TAX1BP3: variants seen among roughly 807,000 people sequenced by gnomAD.
TAX1BP3 encodes Tax1 binding protein 3.
TAX1BP3 carries 13 observed loss-of-function variants against 15.3 expected under a neutral mutation model. The ratio of observed to expected loss-of-function variants is 0.85; its 90% CI spans 0.55 to 1.35. TAX1BP3 has a LOEUF of 1.35. TAX1BP3 is among the 40% of genes most tolerant of loss of function. The pLI, the probability that TAX1BP3 is intolerant of heterozygous loss-of-function variation, is 0.00. For synonymous variants in TAX1BP3, 70 were observed against 66.0 expected (o/e 1.06, Z -0.30); for missense variants, 147 against 169.6 (o/e 0.87, Z 0.74).
chr17:3,668,344 G>A lies in TAX1BP3; in HGVS notation c.39+144C>T. ...GGCTGGGGGAACTGCGGCCCGCTCC[G>A]GCAAAGCGGGGACCCGAGCCCTTGC... is the stretch of plus-strand genomic sequence containing the variant. On this transcript the variant is annotated intron_variant, in intron 1 of 3. Transcript: ENST00000225525. The surrounding 1 kb of genome is among the most constrained non-coding windows in gnomAD (Gnocchi z 4.1). The A allele has an allele frequency of 3.6e-6, 4 of 1,108,930 alleles. No homozygotes were observed. The highest frequency in any genetic ancestry group is 5.0e-6 in the Non-Finnish European group (4 of 802,084). The allele number at this position is 1,108,930 out of a possible 1,614,324, so 68.7% of individuals were successfully genotyped here.
rs1347759491 is a variant in TAX1BP3, at chr17:3,663,588, A to G, written c.*160T>C. The G allele has an allele frequency of 1.6e-5, 17 of 1,079,746 alleles. No individual in the cohort carries two copies. Among genetic ancestry groups the G allele is most frequent in the Non-Finnish European group, 2.0e-5 (16 of 797,678 alleles). The allele number at this position is 1,079,746 out of a possible 1,614,324, so 66.9% of individuals were successfully genotyped here. A position where few individuals can be genotyped will look rare whatever the true frequency, so the allele number is the denominator to read the frequency against. ...CGGTCCCAGAGGCCCCAGGCCAGGG[A>G]TGGGAGAAGGGAAGGAAGGCCAGGC... is the stretch of plus-strand genomic sequence containing the variant. On this transcript the variant is annotated 3_prime_UTR_variant, in exon 4 of 4. Transcript: ENST00000225525.
intron 1 of TAX1BP3, among the ~76,000 whole-genome samples, chr17:3,666,062 C>A (rs953956503): frequency 3.9e-5 from 6 of 152,224 alleles, no homozygotes; most frequent in African/African-American, 1.4e-4. Context: ...TTTCAAAGCC[C>A]TTGGCAAGCG....
chr17:3,668,550 G>T lies in TAX1BP3; in HGVS notation c.-24C>A, dbSNP rs1300261719. ...ATCTCGACCCTGCTCTGGTCGCCCA[G>T]CGCCGCTCCGAGAAGCCGGCAGCAG... On this transcript the variant is annotated 5_prime_UTR_variant, in exon 1 of 4. In the 5' UTR this introduces an upstream ATG that the reference lacks. Coordinates refer to ENST00000225525, the MANE Select transcript of TAX1BP3 (RefSeq NM_014604.4). This position sits in a 1 kb window ranked among gnomAD's most constrained non-coding sequence, Gnocchi z 4.1. 7.5e-6 allele frequency: 12 copies of T among 1,592,916 alleles called. No individual in the cohort carries two copies. The highest frequency in any genetic ancestry group is 1.7e-5 in the Admixed American group (1 of 57,444).
At chr17:3,664,614 C>T (rs2076318978) in intron 2 of TAX1BP3, 65 bp downstream of exon 2, 4 of 1,596,044 alleles carry the variant, frequency 2.5e-6, no homozygotes, top group Non-Finnish European at 2.6e-6. Flanking sequence ...GCCCAGGAAG[C>T]AGAGACCCAC....
At chr17:3,667,541 T>G (rs2076355313) in intron 1 of TAX1BP3, among the ~76,000 whole-genome samples, 1 of 152,108 alleles carries the variant, frequency 6.6e-6, no homozygotes, top group African/African-American at 2.4e-5. Context: ...CCAACTGAGA[T>G]AACACACCCA....
At position 3,663,747 on chromosome 17, in the gene TAX1BP3, G is replaced by T. The variant is rs754539319; in HGVS notation, c.*1C>A. The T allele has an allele frequency of 1.9e-6, 3 of 1,601,742 alleles. No homozygotes were observed. Among genetic ancestry groups the T allele is most frequent in the South Asian group, 2.2e-5 (2 of 90,482 alleles). On this transcript the variant is annotated 3_prime_UTR_variant, in exon 4 of 4. Transcript: ENST00000225525. ...GCAGGAGTCGCAGATGGTGGTGGCT[G>T]CTAGGACAGCATGGACTGCTGCACG...
intron 2 of TAX1BP3, 122 bp from the exon 3 acceptor site, chr17:3,664,394 A>C: frequency 8.3e-7 from 1 of 1,203,298 alleles, no homozygotes; most frequent in Non-Finnish European, 1.2e-6. Flanking sequence ...CTCTCCCAGC[A>C]CATATGGTCA....
At position 3,664,741 on chromosome 17, in the gene TAX1BP3, T is replaced by C; in HGVS notation, c.97A>G (p.Ile33Val). Residue 33 changes from isoleucine to valine, a missense_variant, in exon 2 of 4, where the codon ATT (isoleucine) becomes GTT (valine). Coordinates refer to ENST00000225525, the MANE Select transcript of TAX1BP3 (RefSeq NM_014604.4). ...GGATCCTGGTCGATTCCACCTCCAATGCTGAAACCCAGGATTAAGTTCTCA... is the reference window on the plus strand; with the variant it reads ...GGATCCTGGTCGATTCCACCTCCAACGCTGAAACCCAGGATTAAGTTCTCA... ...QGENLILGFSIGGGIDQDPSQ... is the reference protein window; with the variant it reads ...QGENLILGFSVGGGIDQDPSQ... The C allele has an allele frequency of 1.9e-6, 3 of 1,613,886 alleles. No individual in the cohort carries two copies. The highest frequency in any genetic ancestry group is 2.5e-6 in the Non-Finnish European group (3 of 1,179,928).
intron 1 of TAX1BP3, chr17:3,665,783 T>G: frequency 2.1e-4 from 131 of 614,652 alleles, no homozygotes; most frequent in East Asian, 6.0e-4. Context: ...GAGGAAGGGC[T>G]TGCCGGCCAC....
At position 3,668,196 on chromosome 17, in the gene TAX1BP3, G is replaced by A. The variant is rs2076363133; in HGVS notation, c.39+292C>T. ...TCTGGGGACACGGAGGCCCGGGAAG[G>A]GGGCGCTTTTCCAGGCTCCTGCAGC... On this transcript the variant is annotated intron_variant, in intron 1 of 3. Transcript: ENST00000225525. The surrounding 1 kb of genome is among the most constrained non-coding windows in gnomAD (Gnocchi z 4.1). Among the ~76,000 whole-genome samples the A allele has an allele frequency of 6.6e-6, 1 of 152,208 alleles. No individual in the cohort carries two copies. The highest frequency in any genetic ancestry group is 1.5e-5 in the Non-Finnish European group (1 of 68,032).
At chr17:3,666,539 C>T (rs1282488045) in intron 1 of TAX1BP3, among the ~76,000 whole-genome samples, 1 of 152,078 alleles carries the variant, frequency 6.6e-6, no homozygotes, top group Non-Finnish European at 1.5e-5. Flanking sequence ...CCAGGAGCTG[C>T]GGGGCAGGTG....
At chr17:3,667,997 G>A (rs2076359728) in intron 1 of TAX1BP3, among the ~76,000 whole-genome samples, 1 of 152,274 alleles carries the variant, frequency 6.6e-6, no homozygotes, top group Non-Finnish European at 1.5e-5. Context: ...GTGGGTTGGA[G>A]GAGCAAGGCT....
chr17:3,665,563 A>G, intron 1 of TAX1BP3: 1 of 1,373,712 alleles, frequency 7.3e-7, no homozygotes, highest in South Asian at 1.2e-5. Flanking sequence ...AATGATCAGA[A>G]AAAGAAAGAA....
intron 1 of TAX1BP3, chr17:3,665,408 A>G: frequency 6.8e-7 from 1 of 1,463,970 alleles, no homozygotes; most frequent in Admixed American, 1.7e-5. Context: ...AAACTGGAAG[A>G]GTCTACAATG....
Position 3,663,586 on chromosome 17 carries a change from G to T in TAX1BP3, c.*162C>A, listed in dbSNP as rs1274949483. The T allele has an allele frequency of 9.1e-7, 1 of 1,094,554 alleles. No homozygotes were observed. The highest frequency in any genetic ancestry group is 1.6e-5 in the African/African-American group (1 of 63,202). 67.8% of individuals were successfully genotyped at this position (1,094,554 alleles called of 1,614,324 possible). ...GCCGGTCCCAGAGGCCCCAGGCCAG[G>T]GATGGGAGAAGGGAAGGAAGGCCAG... On this transcript the variant is annotated 3_prime_UTR_variant, in exon 4 of 4. Transcript: ENST00000225525.
chr17:3,665,804 G>A (rs1412264014), intron 1 of TAX1BP3: 9 of 635,446 alleles, frequency 1.4e-5, no homozygotes, highest in African/African-American at 1.9e-5. Flanking sequence ...GGGGACCAGC[G>A]CACAGGGTGC....
intron 1 of TAX1BP3, chr17:3,665,512 A>G (rs2076330475): frequency 2.2e-6 from 3 of 1,376,146 alleles, no homozygotes; most frequent in East Asian, 2.3e-5. Context: ...CACATAAAGC[A>G]CTCTAAGAGC....
intron 1 of TAX1BP3, chr17:3,665,477 CA>C: frequency 2.9e-6 from 4 of 1,385,464 alleles, no homozygotes; most frequent in Middle Eastern, 1.8e-4. Flanking sequence ...AGATTCTTGC[CA>C]AGAGAATTAA....
chr17:3,667,094 A>G (rs1287241880), intron 1 of TAX1BP3, among the ~76,000 whole-genome samples: 1 of 152,190 alleles, frequency 6.6e-6, no homozygotes, highest in East Asian at 1.9e-4. Context: ...CTGTAATCCC[A>G]GCACTTTGGG....
Sources: gnomAD v4.1 joint callset for allele counts (sites outside exome capture counted in the v4.1 genomes callset) on GRCh38, gnomAD v4.1.1 for gene constraint, Gnocchi (gnomAD v3.1) non-coding constraint, MANE v1.5 for transcripts, NCBI Gene and HGNC (gene_info 2026-07-23, HGNC 2026-07-21) for gene names.